CSN1S1: variants seen among roughly 807,000 people sequenced by gnomAD.
The protein encoded by CSN1S1 is casein alpha s1, also known as alpha-S1-casein.
In CSN1S1, 63 loss-of-function variants were observed where a neutral mutation model predicts 49.1. That is an observed-to-expected ratio of 1.28 (90% CI 1.05 to 1.58). The LOEUF (loss-of-function observed/expected upper bound fraction) is 1.58. Among genes scored for constraint, CSN1S1 ranks in the 40% most tolerant of loss-of-function variants. The probability of loss-of-function intolerance (pLI) is 0.00; values close to 1 mark genes in which losing one functional copy is unlikely to be tolerated. For synonymous variants in CSN1S1, 78 were observed against 67.1 expected, an observed-to-expected ratio of 1.16 and a Z score of -0.79; for missense variants, 260 against 224.7, an observed-to-expected ratio of 1.16 and a Z score of -1.01.
At position 69,940,034 on chromosome 4, in the gene CSN1S1, G is replaced by A. The variant is rs1722923636; in HGVS notation, c.290G>A (p.Ser97Asn). ...ISSSSEEMSLSKCAEQFCRLN... is the reference protein window; with the variant it reads ...ISSSSEEMSLNKCAEQFCRLN... Reference sequence around the variant, plus strand: ...ATTTTTTTAAAGGAAATGTCTCTCAGTAAGTGTGCGGTAAGACATATTTGC... The same window carrying A: ...ATTTTTTTAAAGGAAATGTCTCTCAATAAGTGTGCGGTAAGACATATTTGC... Residue 97 changes from serine to asparagine, a missense_variant, in exon 11 of 16, where the codon AGT (serine) becomes AAT (asparagine). Transcript: ENST00000246891. 17 of 1,397,758 alleles carry A rather than the reference G, an allele frequency of 1.2e-5. No individual in the cohort carries two copies. The highest frequency in any genetic ancestry group is 1.6e-5 in the Non-Finnish European group (17 of 1,036,122). 86.6% of individuals were successfully genotyped at this position (1,397,758 alleles called of 1,614,324 possible). A position where few individuals can be genotyped will look rare whatever the true frequency, so the allele number is the denominator to read the frequency against.
At chr4:69,943,183 ATTATTAT>A (rs1723031799) in intron 14 of CSN1S1, among the ~76,000 whole-genome samples, 1 of 148,140 alleles carries the variant, frequency 6.8e-6, no homozygotes, top group African/African-American at 2.5e-5. Flanking sequence ...TATTATTATT[ATTATTAT>A]TATTATTATT....
Position 69,946,127 on chromosome 4 carries a change from C to T in CSN1S1, c.*-69C>T, listed in dbSNP as rs908917424. 4 of 443,788 alleles carry T rather than the reference C, an allele frequency of 9.0e-6. No homozygotes were observed. The Admixed American group carries it at 1.2e-4, about 14-fold the overall frequency. 27.5% of individuals were successfully genotyped at this position (443,788 alleles called of 1,614,324 possible). ...GAGAAAATAGTAAAACGTGTTCTAC[C>T]ATAAGAGCTTTTCTTTTCTTCAAAA... is the stretch of plus-strand genomic sequence containing the variant. On this transcript the variant is annotated intron_variant, in intron 15 of 15. Coordinates refer to ENST00000246891, the MANE Select transcript of CSN1S1 (RefSeq NM_001890.2).
At chr4:69,934,367 T>A in intron 3 of CSN1S1, 123 bp downstream of exon 3, 1 of 900,592 alleles carries the variant, frequency 1.1e-6, no homozygotes, top group Middle Eastern at 2.2e-4. Context: ...TTTCTTTAGT[T>A]CAAGCACTGT....
At chr4:69,945,038 C>T (rs1378747559) in intron 15 of CSN1S1, 34 bp downstream of exon 15, 2 of 1,603,212 alleles carry the variant, frequency 1.2e-6, no homozygotes, top group East Asian at 2.2e-5. Flanking sequence ...TCTTGATGTT[C>T]TACCAAAGGA....
At chr4:69,934,575 G>T in intron 3 of CSN1S1, 115 bp from the exon 4 acceptor site, 1 of 895,434 alleles carries the variant, frequency 1.1e-6, no homozygotes, top group Admixed American at 2.2e-5. Context: ...GGTCTCATTT[G>T]ATATGTTGAA....
intron 15 of CSN1S1, 30 bp downstream of exon 15, chr4:69,945,034 T>C (rs1208666215): frequency 6.2e-7 from 1 of 1,606,782 alleles, no homozygotes; most frequent in Non-Finnish European, 8.5e-7. Context: ...TACATCTTGA[T>C]GTTCTACCAA....
intron 7 of CSN1S1, 80 bp from the exon 8 acceptor site, chr4:69,937,041 G>C: frequency 9.1e-7 from 1 of 1,095,388 alleles, no homozygotes. Context: ...TATTGAGAGA[G>C]CAGGTGCTCA....
chr4:69,936,367 C>T, intron 5 of CSN1S1, 89 bp from the exon 6 acceptor site: 1 of 966,866 alleles, frequency 1.0e-6, no homozygotes. Flanking sequence ...TTTGTATCAG[C>T]ACGATGTGAA....
chr4:69,935,237 G>C (rs1722734003), intron 4 of CSN1S1, among the ~76,000 whole-genome samples: 1 of 151,864 alleles, frequency 6.6e-6, no homozygotes, highest in South Asian at 2.1e-4. Context: ...TTTAATTTTT[G>C]TTTATAAAAA....
At chr4:69,933,095 A>G (rs1219059201) in intron 2 of CSN1S1, among the ~76,000 whole-genome samples, 1 of 151,682 alleles carries the variant, frequency 6.6e-6, no homozygotes, top group Admixed American at 6.6e-5. Context: ...TTCTTCCCCC[A>G]AGAAGGGATA....
intron 10 of CSN1S1, 76 bp downstream of exon 10, chr4:69,939,284 T>A (rs1162458286): frequency 1.6e-5 from 18 of 1,093,890 alleles, no homozygotes; most frequent in Admixed American, 1.1e-4. Flanking sequence ...GAGGATTACA[T>A]ATCCCTTAAG....
chr4:69,932,607 G>C lies in CSN1S1; in HGVS notation c.51+1G>C, dbSNP rs372204825. 206 of 1,592,986 alleles carry C rather than the reference G, an allele frequency of 1.3e-4. No homozygotes were observed. The highest frequency in any genetic ancestry group is 1.7e-4 in the Middle Eastern group (1 of 6,054). ...TGTGGCTGTTGCTCTTGCCAGGCCT[G>C]TAAGTTCAGTAGAGAATTTAGAAAG... On this transcript the variant is annotated splice_donor_variant, in intron 2 of 15. Coordinates refer to ENST00000246891, the MANE Select transcript of CSN1S1 (RefSeq NM_001890.2). LOFTEE classifies it high-confidence loss of function.
In CSN1S1 at chr4:69,934,194, T is replaced by C; in HGVS notation, c.52-18T>C. On this transcript the variant is annotated intron_variant, in intron 2 of 15. Transcript: ENST00000246891. Reference sequence around the variant, plus strand: ...TTAGTTACTTTTTGTTTTACAATTCTTGCATTGTTTTTCACAGAAACTTCC... The same window carrying C: ...TTAGTTACTTTTTGTTTTACAATTCCTGCATTGTTTTTCACAGAAACTTCC... 2.5e-6 allele frequency: 4 copies of C among 1,598,926 alleles called. No individual in the cohort carries two copies. The South Asian group carries it at 4.4e-5, about 18-fold the overall frequency.
intron 12 of CSN1S1, 73 bp downstream of exon 12, chr4:69,941,133 G>A (rs932809314): frequency 3.1e-5 from 20 of 638,966 alleles, no homozygotes; most frequent in Admixed American, 2.4e-4. Flanking sequence ...TTTAAATTGG[G>A]GCCATTTCTA....
At chr4:69,939,970 G>T (rs1722920798) in intron 10 of CSN1S1, 51 bp from the exon 11 acceptor site, 2 of 1,062,882 alleles carry the variant, frequency 1.9e-6, no homozygotes, top group Admixed American at 3.0e-5. Context: ...AACTTTAAAT[G>T]TAAATTAATG....
At chr4:69,934,315 C>CT (rs1316915356) in intron 3 of CSN1S1, 71 bp downstream of exon 3, 1 of 1,422,010 alleles carries the variant, frequency 7.0e-7, no homozygotes, top group African/African-American at 1.4e-5. Flanking sequence ...GTGCGCTTCC[C>CT]TTCTCTATGA....
intron 13 of CSN1S1, 117 bp downstream of exon 13, chr4:69,942,180 A>C: frequency 9.8e-6 from 6 of 611,604 alleles, no homozygotes; most frequent in Non-Finnish European, 1.6e-5. Context: ...TACCAACACT[A>C]TCTGATAATA....
intron 7 of CSN1S1, 42 bp downstream of exon 7, chr4:69,936,649 T>C (rs1165581423): frequency 5.9e-6 from 9 of 1,532,214 alleles, no homozygotes; most frequent in Non-Finnish European, 7.0e-6. Flanking sequence ...AAAGTATATA[T>C]TCTTGTAGTA....
chr4:69,938,949 T>G (rs1722891254), intron 9 of CSN1S1, among the ~76,000 whole-genome samples: 2 of 151,726 alleles, frequency 1.3e-5, no homozygotes, highest in African/African-American at 4.8e-5. Flanking sequence ...AAACAATTGT[T>G]TTTAAGTTTT....
Sources: allele counts gnomAD v4.1 joint callset (sites outside exome capture counted in the v4.1 genomes callset), GRCh38; gene constraint gnomAD v4.1.1; transcripts MANE v1.5; gene names NCBI Gene and HGNC (gene_info 2026-07-23, HGNC 2026-07-21).